Variants in TNFRSF10B observed in about 807,000 individuals in gnomAD.
TNFRSF10B encodes TNF receptor superfamily member 10b.
In TNFRSF10B, 35 loss-of-function variants were observed where a neutral mutation model predicts 41.4. The observed-to-expected ratio is 0.85, with a 90% CI of 0.65 to 1.12. The LOEUF is 1.12. Among genes scored for constraint, TNFRSF10B ranks in the 50% most tolerant of loss-of-function variants. The pLI is 0.00. For missense variants in TNFRSF10B, 584 were observed against 552.7 expected (o/e 1.06, Z -0.57); for synonymous variants, 230 against 215.5 (o/e 1.07, Z -0.59).
intron 2 of TNFRSF10B, among the ~76,000 whole-genome samples, chr8:23,034,470 T>TA (rs1383744346): frequency 6.6e-6 from 1 of 152,194 alleles, no homozygotes; most frequent in African/African-American, 2.4e-5. Flanking sequence ...CTCATGTCTG[T>TA]AATTCCAGCA....
chr8:23,024,464 G>A (rs545141039), intron 7 of TNFRSF10B, among the ~76,000 whole-genome samples: 62 of 152,156 alleles, frequency 4.1e-4, no homozygotes, highest in Non-Finnish European at 8.4e-4. Context: ...GATTAGGAGT[G>A]TATATTTTTA....
intron 1 of TNFRSF10B, among the ~76,000 whole-genome samples, chr8:23,056,980 T>C (rs921295180): frequency 1.3e-5 from 2 of 151,908 alleles, no homozygotes; most frequent in African/African-American, 4.8e-5. Flanking sequence ...TTTCAGTAGA[T>C]GCATGTGTCC....
intron 1 of TNFRSF10B, among the ~76,000 whole-genome samples, chr8:23,066,061 T>C (rs1812971692): frequency 6.6e-6 from 1 of 152,174 alleles, no homozygotes; most frequent in Non-Finnish European, 1.5e-5. Flanking sequence ...GGTGGGAGGA[T>C]TCCTTGAGCG....
Position 23,028,671 on chromosome 8 carries a change from G to A in TNFRSF10B, c.477-69C>T, listed in dbSNP as rs1811786206. 2.5e-6 allele frequency: 4 copies of A among 1,584,488 alleles called. No homozygotes were observed. In the South Asian group the frequency reaches 4.4e-5, roughly 18 times the overall value. On this transcript the variant is annotated intron_variant, in intron 4 of 8. Transcript: ENST00000276431. Reference sequence around the variant, plus strand: ...GCTGGCCAGGTGGGATGAAAGAGGAGCCACCCTCCCTCCCCAGTGTCCCTG... The same window carrying A: ...GCTGGCCAGGTGGGATGAAAGAGGAACCACCCTCCCTCCCCAGTGTCCCTG...
At chr8:23,058,041 G>A (rs1017265660) in intron 1 of TNFRSF10B, among the ~76,000 whole-genome samples, 1 of 152,206 alleles carries the variant, frequency 6.6e-6, no homozygotes, top group African/African-American at 2.4e-5. Flanking sequence ...GAGGTCAGGA[G>A]TTCGAGACCA....
chr8:23,044,990 T>C (rs1812312819), intron 1 of TNFRSF10B, among the ~76,000 whole-genome samples: 1 of 141,608 alleles, frequency 7.1e-6, no homozygotes, highest in South Asian at 2.2e-4. Flanking sequence ...CCGAGACGGA[T>C]GGATCACTTG....
intron 2 of TNFRSF10B, among the ~76,000 whole-genome samples, chr8:23,035,143 A>AT (rs767212383): frequency 2.3e-3 from 325 of 143,120 alleles, no homozygotes; most frequent in Middle Eastern, 7.6e-3. Flanking sequence ...GTTTGCAGGT[A>AT]TTTTTTTTTT....
chr8:23,055,573 A>C (rs1812641194), intron 1 of TNFRSF10B, among the ~76,000 whole-genome samples: 1 of 151,446 alleles, frequency 6.6e-6, no homozygotes, highest in Admixed American at 6.6e-5. Flanking sequence ...GGAATGTAAC[A>C]AAAGCCCATC....
intron 1 of TNFRSF10B, among the ~76,000 whole-genome samples, chr8:23,061,087 T>C (rs1027975324): frequency 1.3e-5 from 2 of 152,146 alleles, no homozygotes; most frequent in Admixed American, 1.3e-4. Flanking sequence ...ACTTAAGACA[T>C]CCTGATATCC....
intron 2 of TNFRSF10B, 33 bp downstream of exon 2, chr8:23,043,105 G>C (rs1236818970): frequency 1.9e-6 from 3 of 1,589,008 alleles, no homozygotes; most frequent in Non-Finnish European, 2.6e-6. Flanking sequence ...AAGGGGAGGA[G>C]GGGCAAGGAT....
At chr8:23,027,345 C>T (rs188456664) in intron 6 of TNFRSF10B, 57 bp from the exon 7 acceptor site, 365 of 1,606,174 alleles carry the variant, frequency 2.3e-4, no homozygotes, top group Non-Finnish European at 5.6e-5. Flanking sequence ...ACCTAGGGCT[C>T]GCTGCAGGGT....
intron 1 of TNFRSF10B, among the ~76,000 whole-genome samples, chr8:23,044,156 G>A (rs1158930675): frequency 2.6e-5 from 4 of 152,154 alleles, no homozygotes; most frequent in African/African-American, 4.8e-5. Flanking sequence ...TAACTTACAC[G>A]TATACAAAAA....
In TNFRSF10B at chr8:23,020,844, C is replaced by T. The variant is rs1174426044; in HGVS notation, c.*1827G>A. 1.5e-5 allele frequency: 7 copies of T among 453,924 alleles called. No individual in the cohort carries two copies. Among genetic ancestry groups the T allele is most frequent in the African/African-American group, 1.4e-4 (7 of 49,966 alleles). 28.1% of individuals were successfully genotyped at this position (453,924 alleles called of 1,614,324 possible). ...AGGCTGAGCGTCCTGCACAGAAGGC[C>T]CAGCAAAGGCAAAGACCAGGAGGCA... On this transcript the variant is annotated 3_prime_UTR_variant, in exon 9 of 9. Transcript: ENST00000276431.
intron 1 of TNFRSF10B, among the ~76,000 whole-genome samples, chr8:23,051,918 G>C (rs572772584): frequency 2.0e-5 from 3 of 152,234 alleles, no homozygotes; most frequent in South Asian, 2.1e-4. Context: ...TTCTGGGAAA[G>C]GACTGTTATC....
intron 1 of TNFRSF10B, among the ~76,000 whole-genome samples, chr8:23,047,337 A>G (rs1167091514): frequency 2.0e-5 from 3 of 148,888 alleles, no homozygotes; most frequent in Non-Finnish European, 3.0e-5. Context: ...AGCCTAGGCA[A>G]CAAGAGTGAA....
rs374814917 is a variant in TNFRSF10B at position 23,033,763 on chromosome 8, G to A, written c.251-2891C>T. ...TAGTTCTAGAGATGGCCACCATCTT[G>A]CTGTGCATTTGCGTAACCTCTTCCT... On this transcript the variant is annotated intron_variant, in intron 2 of 8. Coordinates refer to ENST00000276431, the MANE Select transcript of TNFRSF10B (RefSeq NM_003842.5). 3.3e-5 allele frequency among the ~76,000 whole-genome samples: 5 copies of A among 152,198 alleles called. No individual in the cohort carries two copies. In the South Asian group the frequency reaches 6.2e-4, roughly 19 times the overall value.
At chr8:23,052,361 C>T (rs945668127) in intron 1 of TNFRSF10B, among the ~76,000 whole-genome samples, 17 of 149,716 alleles carry the variant, frequency 1.1e-4, no homozygotes. Context: ...TTACTGCTCA[C>T]TGCAAGCTCC....
chr8:23,061,362 C>T (rs1437638616), intron 1 of TNFRSF10B, among the ~76,000 whole-genome samples: 2 of 152,148 alleles, frequency 1.3e-5, no homozygotes, highest in Non-Finnish European at 2.9e-5. Flanking sequence ...GCAATCTGTA[C>T]TGTCTTTTAC....
chr8:23,060,954 T>A (rs1398875183), intron 1 of TNFRSF10B, among the ~76,000 whole-genome samples: 1 of 152,202 alleles, frequency 6.6e-6, no homozygotes, highest in Non-Finnish European at 1.5e-5. Flanking sequence ...GAAATGCAAT[T>A]GACTTTTCCA....
Sources: allele counts gnomAD v4.1 joint callset (sites outside exome capture counted in the v4.1 genomes callset), GRCh38; gene constraint gnomAD v4.1.1; transcripts MANE v1.5; gene names NCBI Gene and HGNC (gene_info 2026-07-23, HGNC 2026-07-21).